Variants in UBE3A observed in about 807,000 individuals in gnomAD.
UBE3A encodes ubiquitin-protein ligase E3A.
In UBE3A, 6 loss-of-function variants were observed where a neutral mutation model predicts 83.4. The observed-to-expected ratio is 0.07, with a 90% CI of 0.04 to 0.14. The LOEUF is 0.14. Ranked by LOEUF, UBE3A falls within the 10% of genes least tolerant of loss-of-function variation. The pLI, the probability that UBE3A is intolerant of heterozygous loss-of-function variation, is 1.00. For synonymous variants in UBE3A, 337 were observed against 355.4 expected (o/e 0.95, Z 0.58); for missense variants, 456 against 1,036.1 (o/e 0.44, Z 7.69).
chr15:25,436,497 T>C (rs1231286001), intron 1 of UBE3A, among the ~76,000 whole-genome samples: 1 of 152,290 alleles, frequency 6.6e-6, no homozygotes, highest in Middle Eastern at 3.4e-3. Context: ...TTCCACTGAC[T>C]GACACTGAGA....
chr15:25,364,641 G>GTTTTTTTTTTTTTTTTTT (rs1260418313), intron 6 of UBE3A, among the ~76,000 whole-genome samples: 1 of 132,484 alleles, frequency 7.5e-6, no homozygotes, highest in African/African-American at 3.1e-5. Flanking sequence ...GGTTTTTTTT[G>GTTTTTTTTTTTTTTTTTT]TTTGTTTTTT....
At chr15:25,393,243 TA>T (rs1158134091) in intron 4 of UBE3A, among the ~76,000 whole-genome samples, 2 of 152,018 alleles carry the variant, frequency 1.3e-5, no homozygotes, top group African/African-American at 4.8e-5. Flanking sequence ...TTGTAAGAGG[TA>T]AATAAGCTGG....
chr15:25,409,263 T>A (rs1238706437), intron 2 of UBE3A, 56 bp from the exon 3 acceptor site: 1 of 530,542 alleles, frequency 1.9e-6, no homozygotes, highest in Admixed American at 3.4e-5. Context: ...ACCCAATTCA[T>A]TGTTCAAAAA....
intron 11 of UBE3A, 65 bp from the exon 12 acceptor site, chr15:25,340,293 C>G (rs1023049043): frequency 3.1e-5 from 48 of 1,538,602 alleles, no homozygotes; most frequent in Non-Finnish European, 4.3e-5. Context: ...CTAACATAAG[C>G]TTATGATTTG....
chr15:25,420,286 T>C (rs1889130272), intron 1 of UBE3A, among the ~76,000 whole-genome samples: 1 of 152,084 alleles, frequency 6.6e-6, no homozygotes, highest in East Asian at 1.9e-4. Context: ...AAGACATCAA[T>C]TAATCAAGGA....
intron 11 of UBE3A, among the ~76,000 whole-genome samples, chr15:25,348,962 T>C (rs2076111536): frequency 6.6e-6 from 1 of 152,226 alleles, no homozygotes; most frequent in Non-Finnish European, 1.5e-5. Flanking sequence ...AATTAACTGA[T>C]TCTAATATTT....
chr15:25,433,663 G>C (rs1438782777), intron 1 of UBE3A, among the ~76,000 whole-genome samples: 1 of 152,132 alleles, frequency 6.6e-6, no homozygotes, highest in Admixed American at 6.6e-5. Flanking sequence ...CCAAAAGACA[G>C]TGCTCATTCC....
rs2073988613 is a variant in UBE3A, at chr15:25,336,895, A to C, written c.*2242T>G. On this transcript the variant is annotated 3_prime_UTR_variant, in exon 13 of 13. Transcript: ENST00000648336. ...ACTTTTATAACATAACATTTGGGGT[A>C]GAGGAAGTATCCACTGTAGTCAAAA... 6.6e-6 allele frequency: 1 copy of C among 152,170 alleles called. No individual in the cohort carries two copies. Among genetic ancestry groups the C allele is most frequent in the Admixed American group, 6.5e-5 (1 of 15,280 alleles). 9.4% of individuals were successfully genotyped at this position (152,170 alleles called of 1,614,324 possible). A position where few individuals can be genotyped will look rare whatever the true frequency, so the allele number is the denominator to read the frequency against.
chr15:25,428,014 C>A (rs1891920218), intron 1 of UBE3A, among the ~76,000 whole-genome samples: 1 of 152,078 alleles, frequency 6.6e-6, no homozygotes, highest in Non-Finnish European at 1.5e-5. Flanking sequence ...TGTTCTCACT[C>A]ATACATGGGC....
intron 1 of UBE3A, chr15:25,419,485 C>A (rs1888652199): frequency 6.6e-6 from 1 of 151,888 alleles, no homozygotes; most frequent in African/African-American, 2.4e-5. Flanking sequence ...GATTTTGTAG[C>A]CAGTAGACCT....
At chr15:25,406,440 T>C (rs982203664) in intron 3 of UBE3A, among the ~76,000 whole-genome samples, 2 of 152,164 alleles carry the variant, frequency 1.3e-5, no homozygotes, top group African/African-American at 2.4e-5. Flanking sequence ...AAGCCTTTCA[T>C]TTTCATTTCA....
chr15:25,403,852 A>T (rs957482217), intron 4 of UBE3A, among the ~76,000 whole-genome samples: 2 of 152,200 alleles, frequency 1.3e-5, no homozygotes, highest in East Asian at 3.9e-4. Context: ...CAATCATAAA[A>T]GGGCAAAAAC....
chr15:25,351,055 C>T (rs925946051), intron 11 of UBE3A, among the ~76,000 whole-genome samples: 2 of 152,142 alleles, frequency 1.3e-5, no homozygotes, highest in Non-Finnish European at 2.9e-5. Context: ...TCAAATTTTA[C>T]CCCACACAAC....
chr15:25,424,825 C>A (rs1399395061), intron 1 of UBE3A, among the ~76,000 whole-genome samples: 1 of 151,982 alleles, frequency 6.6e-6, no homozygotes, highest in African/African-American at 2.4e-5. Context: ...AGTACAAGAC[C>A]TGTATACTGA....
rs183960618 is a variant in UBE3A, at chr15:25,367,206, T to C, written c.1608+3360A>G. Among the ~76,000 whole-genome samples the C allele has an allele frequency of 6.2e-4, 59 of 95,264 alleles. 1 individual carries two copies. Among genetic ancestry groups the C allele is most frequent in the Middle Eastern group, 5.1e-3 (1 of 198 alleles). 62.5% of individuals were successfully genotyped at this position (95,264 alleles called of 152,430 possible). A position where few individuals can be genotyped will look rare whatever the true frequency, so the allele number is the denominator to read the frequency against. On this transcript the variant is annotated intron_variant, in intron 6 of 12. Coordinates refer to ENST00000648336, the MANE Select transcript of UBE3A (RefSeq NM_130839.5). ...AAATATGTAAATATTTACATATTTG[T>C]AAATATGTAAATATTTACATATTTG...
chr15:25,408,466 G>C, intron 3 of UBE3A: 1 of 1,076,476 alleles, frequency 9.3e-7, no homozygotes, highest in South Asian at 1.4e-5. Context: ...TTTTAAAACT[G>C]AAACAATAAC....
intron 4 of UBE3A, among the ~76,000 whole-genome samples, chr15:25,378,641 A>G (rs1468548372): frequency 6.6e-6 from 1 of 152,170 alleles, no homozygotes; most frequent in African/African-American, 2.4e-5. Context: ...CAAGAATAGG[A>G]GTCCAGGAGT....
intron 11 of UBE3A, 81 bp downstream of exon 11, chr15:25,354,272 T>A (rs2076923808): frequency 8.1e-7 from 1 of 1,232,046 alleles, no homozygotes; most frequent in East Asian, 2.3e-5. Context: ...TGGGAATTAG[T>A]ACCTAGAGAT....
chr15:25,417,117 A>G (rs1887275116), intron 1 of UBE3A, among the ~76,000 whole-genome samples: 2 of 152,120 alleles, frequency 1.3e-5, no homozygotes, highest in African/African-American at 2.4e-5. Flanking sequence ...AAAGAGGGGC[A>G]GTAAGCTGAA....
Sources: gnomAD v4.1 joint callset for allele counts (sites outside exome capture counted in the v4.1 genomes callset) on GRCh38, gnomAD v4.1.1 for gene constraint, MANE v1.5 for transcripts, NCBI Gene and HGNC (gene_info 2026-07-23, HGNC 2026-07-21) for gene names.